H3-7: variants seen among roughly 807,000 people sequenced by gnomAD.
The protein encoded by H3-7 is histone H3-7.
the H3-7 span, chr1:143,905,686 T>C: frequency 1.9e-6 from 3 of 1,582,958 alleles, no homozygotes; most frequent in African/African-American, 1.3e-5. Flanking sequence ...TCTGGCCTCC[T>C]GCAGCGCCAT....
At chr1:143,905,482 C>T in the H3-7 span, 7 of 1,086,002 alleles carry the variant, frequency 6.4e-6, 1 homozygote, top group East Asian at 7.6e-5. Flanking sequence ...GATGGAGAGC[C>T]GGTACAGCTG....
At chr1:143,904,386 C>T in the H3-7 span, 3 of 1,582,708 alleles carry the variant, frequency 1.9e-6, no homozygotes, top group Non-Finnish European at 2.6e-6. Context: ...TCCCGCGATG[C>T]GCTCGAAGAT....
chr1:143,905,706 G>A, the H3-7 span: 106 of 1,582,436 alleles, frequency 6.7e-5, 8 homozygotes, highest in African/African-American at 5.5e-4. Context: ...TCACGGCCGA[G>A]CTCTGGAAGC....
chr1:143,903,090 G>T, the H3-7 span, among the ~76,000 whole-genome samples: 1 of 139,502 alleles, frequency 7.2e-6, no homozygotes, highest in Non-Finnish European at 1.6e-5. Context: ...TACTTGGGAG[G>T]CTGAGGCAGG....
At chr1:143,903,942 A>G in the H3-7 span, among the ~76,000 whole-genome samples, 1 of 146,762 alleles carries the variant, frequency 6.8e-6, no homozygotes, top group Non-Finnish European at 1.5e-5. Flanking sequence ...TCCCTCCCAA[A>G]TATCCCAGAA....
At chr1:143,905,753 C>G in the H3-7 span, 18 of 1,581,936 alleles carry the variant, frequency 1.1e-5, 1 homozygote, top group African/African-American at 2.4e-4. Flanking sequence ...ATCTCGCGTA[C>G]CAGCCGCTGG....
chr1:143,903,015 A>AC, the H3-7 span, among the ~76,000 whole-genome samples: 1 of 123,550 alleles, frequency 8.1e-6, no homozygotes, highest in Non-Finnish European at 1.8e-5. Flanking sequence ...AAACGGTGAA[A>AC]CCCCGTCTCT....
chr1:143,904,327 G>C, the H3-7 span: 6 of 1,582,426 alleles, frequency 3.8e-6, 1 homozygote, highest in South Asian at 4.5e-5. Flanking sequence ...TGGATCTCGC[G>C]GGACGTGATG....
the H3-7 span, among the ~76,000 whole-genome samples, chr1:143,902,843 C>CCA: frequency 7.5e-5 from 11 of 146,444 alleles, 1 homozygote; most frequent in Admixed American, 7.6e-4. Flanking sequence ...TCGTCAGGTC[C>CCA]CACCTCCAGT....
the H3-7 span, chr1:143,904,197 T>C: frequency 6.7e-7 from 1 of 1,481,866 alleles, no homozygotes; most frequent in South Asian, 1.2e-5. Context: ...GTTAGGTGGT[T>C]GATCTATTGC....
At chr1:143,904,488 G>A in the H3-7 span, 1 of 1,603,440 alleles carries the variant, frequency 6.2e-7, no homozygotes, top group South Asian at 1.1e-5. Flanking sequence ...CACGTAAACG[G>A]AGTAGCTCTC....
the H3-7 span, among the ~76,000 whole-genome samples, chr1:143,902,599 A>G: frequency 1.0e-4 from 15 of 143,894 alleles, 1 homozygote; most frequent in African/African-American, 3.5e-4. Flanking sequence ...GGCTTTTGTC[A>G]GGATGAGTCT....
chr1:143,904,709 C>G, the H3-7 span: 4 of 1,240,194 alleles, frequency 3.2e-6, no homozygotes. Context: ...TGAAGACTCG[C>G]AAAGTGCTGC....
the H3-7 span, among the ~76,000 whole-genome samples, chr1:143,902,428 A>T: frequency 6.8e-6 from 1 of 146,298 alleles, no homozygotes; most frequent in Non-Finnish European, 1.5e-5. Context: ...TTGAACTTCA[A>T]CATCATAAAA....
chr1:143,904,609 C>A, the H3-7 span: 16 of 1,581,440 alleles, frequency 1.0e-5, no homozygotes, highest in Admixed American at 2.7e-4. Flanking sequence ...GGCATTTTTG[C>A]GCGAAAAAAG....
chr1:143,905,279 C>G, the H3-7 span, among the ~76,000 whole-genome samples: 1 of 131,504 alleles, frequency 7.6e-6, no homozygotes, highest in Non-Finnish European at 1.7e-5. Flanking sequence ...CCATGCAAAA[C>G]TTTACCCACA....
the H3-7 span, chr1:143,904,347 T>C: frequency 6.3e-7 from 1 of 1,582,358 alleles, no homozygotes; most frequent in Non-Finnish European, 8.7e-7. Flanking sequence ...GGTGGAGCGC[T>C]TGTTGTAGTG....
At chr1:143,905,790 C>T in the H3-7 span, 10 of 1,582,102 alleles carry the variant, frequency 6.3e-6, 1 homozygote, top group East Asian at 1.8e-4. Flanking sequence ...TCAGCAGCTC[C>T]GTAGACTTCT....
chr1:143,905,823 A>G, the H3-7 span: 2 of 1,582,186 alleles, frequency 1.3e-6, no homozygotes, highest in East Asian at 2.3e-5. Flanking sequence ...TCTCCCGCAG[A>G]GCCACGGTGC....
Sources: allele counts gnomAD v4.1 joint callset (sites outside exome capture counted in the v4.1 genomes callset), GRCh38; gene constraint gnomAD v4.1.1; transcripts MANE v1.5; gene names NCBI Gene and HGNC (gene_info 2026-07-23, HGNC 2026-07-21).